COL27A1: variants seen among roughly 807,000 people sequenced by gnomAD.
The protein encoded by COL27A1 is collagen type XXVII alpha 1 chain, also known as collagen alpha-1(XXVII) chain.
A neutral mutation model predicts 251.3 loss-of-function variants in COL27A1; 106 were observed. That is an observed-to-expected ratio of 0.42 (90% CI 0.36 to 0.50). The LOEUF is 0.50. Ranked by LOEUF, COL27A1 falls within the 20% of genes least tolerant of loss-of-function variation. The pLI, the probability that COL27A1 is intolerant of heterozygous loss-of-function variation, is 0.00. For missense variants in COL27A1, 2,325 were observed against 2,522.8 expected, an observed-to-expected ratio of 0.92 and a Z score of 1.68; for synonymous variants, 1,000 against 986.3, an observed-to-expected ratio of 1.01 and a Z score of -0.26.
At chr9:114,307,595 G>T (rs772088691) in intron 58 of COL27A1, 74 bp from the exon 59 acceptor site, 56 of 1,025,376 alleles carry the variant, frequency 5.5e-5, no homozygotes, top group Non-Finnish European at 8.3e-5. Flanking sequence ...CAAGATGCAG[G>T]GTCCATCTAC....
chr9:114,270,001 C>T (rs1262374599), intron 35 of COL27A1, among the ~76,000 whole-genome samples: 1 of 152,184 alleles, frequency 6.6e-6, no homozygotes, highest in Non-Finnish European at 1.5e-5. Context: ...GCTGGAAGGG[C>T]AAGCCTGGTT....
rs779903917 is a variant in COL27A1 at position 114,243,664 on chromosome 9, GAA to G, written c.2934+110_2934+111del. ...TCCCATGGCCAGTTGTGAAAAGGGA[GAA>G]AAAAATTGGTTCCTGTTTAGAACAA... On this transcript the variant is annotated intron_variant, in intron 23 of 60. Transcript: ENST00000356083. 9 of 921,000 alleles carry G rather than the reference GAA, an allele frequency of 9.8e-6. No individual in the cohort carries two copies. In the East Asian group the frequency reaches 2.1e-4, roughly 21 times the overall value. The allele number at this position is 921,000 out of a possible 1,614,324, so 57.1% of individuals were successfully genotyped here.
In COL27A1 at chr9:114,209,653, C is replaced by A. The variant is rs112994469; in HGVS notation, c.2269-22C>A. ...ACACCTCACTGCTTGACCGCTCTGA[C>A]CCCCTTTCTTCTCTTTCCTAGGGCT... On this transcript the variant is annotated intron_variant, in intron 10 of 60. Transcript: ENST00000356083. 7.9e-4 allele frequency: 1,271 copies of A among 1,613,698 alleles called. 16 individuals are homozygous for A. In the South Asian group the frequency reaches 9.5e-3, roughly 12 times the overall value.
intron 35 of COL27A1, 83 bp from the exon 36 acceptor site, chr9:114,270,645 C>A: frequency 8.9e-7 from 1 of 1,121,356 alleles, no homozygotes; most frequent in Non-Finnish European, 1.3e-6. Context: ...GGGTCCTGCC[C>A]CAGGGAGGGG....
intron 33 of COL27A1, 103 bp downstream of exon 33, chr9:114,266,721 G>A (rs1421365822): frequency 1.9e-6 from 2 of 1,048,062 alleles, no homozygotes; most frequent in Non-Finnish European, 1.5e-6. Flanking sequence ...TCCCTGTCCT[G>A]GCCCAGGGAG....
chr9:114,230,592 C>T (rs1831876087), intron 14 of COL27A1, among the ~76,000 whole-genome samples: 1 of 152,172 alleles, frequency 6.6e-6, no homozygotes, highest in African/African-American at 2.4e-5. Flanking sequence ...CTGGGATCAA[C>T]AGCCTCACTC....
intron 3 of COL27A1, among the ~76,000 whole-genome samples, chr9:114,170,599 A>G (rs1218232733): frequency 6.6e-6 from 1 of 152,246 alleles, no homozygotes; most frequent in Non-Finnish European, 1.5e-5. Context: ...ATCATTAGGA[A>G]TAATATTTAT....
intron 27 of COL27A1, among the ~76,000 whole-genome samples, chr9:114,255,614 C>T (rs949777164): frequency 1.3e-5 from 2 of 152,168 alleles, no homozygotes; most frequent in Non-Finnish European, 2.9e-5. Context: ...ACCTCCCCAC[C>T]CCACCCCATC....
intron 3 of COL27A1, among the ~76,000 whole-genome samples, chr9:114,171,568 A>G (rs1185250026): frequency 6.6e-6 from 1 of 151,798 alleles, no homozygotes; most frequent in Non-Finnish European, 1.5e-5. Context: ...GGCTCAATTC[A>G]TCCTCCTGCC....
chr9:114,265,575 C>A, intron 32 of COL27A1, 100 bp downstream of exon 32: 2 of 1,230,464 alleles, frequency 1.6e-6, no homozygotes, highest in Non-Finnish European at 2.3e-6. Flanking sequence ...AGGGACCATG[C>A]CTGGCCTCTA....
intron 3 of COL27A1, among the ~76,000 whole-genome samples, chr9:114,171,335 C>A (rs1039708121): frequency 1.3e-5 from 2 of 152,202 alleles, no homozygotes; most frequent in African/African-American, 4.8e-5. Flanking sequence ...CCAAGACTAG[C>A]ACGTTCCATC....
chr9:114,166,121 A>G (rs1291487647), intron 2 of COL27A1, among the ~76,000 whole-genome samples: 1 of 150,646 alleles, frequency 6.6e-6, no homozygotes, highest in Admixed American at 6.6e-5. Context: ...CCATCCCTTC[A>G]TCTATTCATC....
chr9:114,196,128 G>A, intron 7 of COL27A1, 116 bp downstream of exon 7: 1 of 898,556 alleles, frequency 1.1e-6, no homozygotes, highest in Non-Finnish European at 1.9e-6. Flanking sequence ...CAGCTCCCCT[G>A]GGCACAGGGT....
chr9:114,290,150 G>GGCCCCCC lies in COL27A1; in HGVS notation c.4260+39_4260+40insGCCCCCC. 1 of 1,593,552 alleles carries GGCCCCCC rather than the reference G, an allele frequency of 6.3e-7. No individual in the cohort carries two copies. Among genetic ancestry groups the GGCCCCCC allele is most frequent in the Non-Finnish European group, 8.6e-7 (1 of 1,165,414 alleles). The stretch of plus-strand genomic sequence containing the variant: ...GCTGCTGTTTCCAGCCAACCTCCCT[G>GGCCCCCC]CCCGCCCCCCACACCCGCCCTCCTC... On this transcript the variant is annotated intron_variant, in intron 46 of 60. Transcript: ENST00000356083. This position sits in a 1 kb window ranked among gnomAD's most constrained non-coding sequence, Gnocchi z 4.6.
chr9:114,245,155 T>TTTG (rs1564517220), intron 23 of COL27A1, among the ~76,000 whole-genome samples: 2 of 140,034 alleles, frequency 1.4e-5, no homozygotes, highest in African/African-American at 5.3e-5. Context: ...CTTGTTTTTT[T>TTTG]TTTTTTTTTT....
chr9:114,307,382 C>G (rs1020214407), intron 58 of COL27A1: 7 of 353,818 alleles, frequency 2.0e-5, no homozygotes, highest in Admixed American at 4.5e-5. Context: ...AGTGACCCAG[C>G]CTCTCTCAAT....
intron 49 of COL27A1, 142 bp from the exon 50 acceptor site, chr9:114,299,928 C>A (rs936214473): frequency 2.8e-6 from 2 of 720,930 alleles, no homozygotes; most frequent in Non-Finnish European, 4.9e-6. Context: ...GCTGTTCACA[C>A]TCACTTGGTC....
chr9:114,196,397 T>G (rs1045206294), intron 7 of COL27A1, among the ~76,000 whole-genome samples: 6 of 152,226 alleles, frequency 3.9e-5, no homozygotes, highest in African/African-American at 1.4e-4. Flanking sequence ...GAGTCCTGTC[T>G]CTGCCCCTCA....
At chr9:114,267,963 A>G (rs1222699305) in intron 34 of COL27A1, among the ~76,000 whole-genome samples, 2 of 152,240 alleles carry the variant, frequency 1.3e-5, no homozygotes, top group African/African-American at 2.4e-5. Context: ...AGAGCTGATG[A>G]GTGATGCTGG....
Sources: gnomAD v4.1 joint callset for allele counts (sites outside exome capture counted in the v4.1 genomes callset) on GRCh38, gnomAD v4.1.1 for gene constraint, Gnocchi (gnomAD v3.1) non-coding constraint, MANE v1.5 for transcripts, NCBI Gene and HGNC (gene_info 2026-07-23, HGNC 2026-07-21) for gene names.